The following CSMD3 variants were observed in gnomAD, a reference collection of about 807,000 sequenced individuals.
CSMD3 encodes the protein CUB and sushi domain-containing protein 3.
CSMD3 carries 177 observed loss-of-function variants against 435.2 expected under a neutral mutation model. The ratio of observed to expected loss-of-function variants is 0.41; its 90% CI spans 0.36 to 0.46. CSMD3 has a LOEUF of 0.46. Ranked by LOEUF, CSMD3 falls within the 20% of genes least tolerant of loss-of-function variation. The pLI is 0.34. For synonymous variants in CSMD3, 1,656 were observed against 1,520.5 expected (o/e 1.09, Z -2.07); for missense variants, 4,265 against 4,504.6 (o/e 0.95, Z 1.52).
intron 66 of CSMD3, among the ~76,000 whole-genome samples, chr8:112,240,719 C>T (rs1222708041): frequency 1.3e-5 from 2 of 152,048 alleles, no homozygotes; most frequent in African/African-American, 4.8e-5. Flanking sequence ...TCTGTGTCCC[C>T]ACCCAAATCT....
At chr8:113,415,295 A>G (rs1200236057) in intron 1 of CSMD3, among the ~76,000 whole-genome samples, 1 of 152,210 alleles carries the variant, frequency 6.6e-6, no homozygotes, top group East Asian at 1.9e-4. Flanking sequence ...AACAAAGACA[A>G]AAGTCTGGTC....
At chr8:112,410,628 G>GTATATATATGTGTA (rs1832288947) in intron 32 of CSMD3, among the ~76,000 whole-genome samples, 6 of 69,954 alleles carry the variant, frequency 8.6e-5, no homozygotes, top group African/African-American at 2.3e-4. Context: ...ATATATATGT[G>GTATATATATGTGTA]TATATATATG....
At chr8:112,254,888 G>C (rs899182829) in intron 62 of CSMD3, among the ~76,000 whole-genome samples, 7 of 151,908 alleles carry the variant, frequency 4.6e-5, no homozygotes, top group African/African-American at 1.7e-4. Context: ...CAATCATTTT[G>C]AAATCAATAT....
chr8:112,768,249 C>T (rs1432802663), intron 13 of CSMD3, among the ~76,000 whole-genome samples: 1 of 151,698 alleles, frequency 6.6e-6, no homozygotes, highest in East Asian at 1.9e-4. Flanking sequence ...ATAAATATGT[C>T]AGTCAGGATC....
chr8:113,096,278 A>T (rs1258621929), intron 5 of CSMD3, among the ~76,000 whole-genome samples: 1 of 152,134 alleles, frequency 6.6e-6, no homozygotes, highest in African/African-American at 2.4e-5. Context: ...TCCCAATATT[A>T]GTTAACTTAA....
chr8:112,673,000 G>T (rs933219908), intron 16 of CSMD3, among the ~76,000 whole-genome samples: 3 of 152,034 alleles, frequency 2.0e-5, no homozygotes, highest in Non-Finnish European at 4.4e-5. Context: ...GAAGGAAGTT[G>T]GGGACCATGG....
intron 13 of CSMD3, among the ~76,000 whole-genome samples, chr8:112,799,949 T>C (rs1240199522): frequency 6.6e-6 from 1 of 151,866 alleles, no homozygotes; most frequent in Non-Finnish European, 1.5e-5. Context: ...AGATGAGGTA[T>C]GCAAAATAGA....
chr8:113,311,158 G>C (rs1283319663), intron 2 of CSMD3: 2 of 151,960 alleles, frequency 1.3e-5, no homozygotes, highest in Non-Finnish European at 2.9e-5. Context: ...AAATAAACAA[G>C]GCTTAGAATA....
chr8:113,264,770 T>C (rs1293760423), intron 3 of CSMD3, among the ~76,000 whole-genome samples: 1 of 151,674 alleles, frequency 6.6e-6, no homozygotes, highest in Non-Finnish European at 1.5e-5. Flanking sequence ...AATGTAAATA[T>C]GTATGAATAT....
intron 13 of CSMD3, among the ~76,000 whole-genome samples, chr8:112,694,894 G>A (rs758055900): frequency 2.0e-4 from 31 of 152,060 alleles, no homozygotes; most frequent in Admixed American, 3.9e-4. Context: ...AGCAGAAGAC[G>A]GGTGATTTCT....
intron 58 of CSMD3, among the ~76,000 whole-genome samples, chr8:112,282,530 T>C (rs551900275): frequency 1.7e-4 from 26 of 152,114 alleles, no homozygotes; most frequent in Non-Finnish European, 3.4e-4. Context: ...ATGTAATTTT[T>C]ATTTTGAAAT....
At chr8:113,285,035 C>G (rs1314447424) in intron 2 of CSMD3, among the ~76,000 whole-genome samples, 1 of 152,066 alleles carries the variant, frequency 6.6e-6, no homozygotes, top group African/African-American at 2.4e-5. Context: ...AGGACTTTCC[C>G]ATAAGAGAAA....
chr8:113,230,193 C>T lies in CSMD3; in HGVS notation c.514+48399G>A, dbSNP rs1001214263. Reference sequence around the variant, plus strand: ...AAGACCTCCATTAAATAGTTTATCTCAATTGCCAGATGTTTTAAAATTGCC... The same window carrying T: ...AAGACCTCCATTAAATAGTTTATCTTAATTGCCAGATGTTTTAAAATTGCC... On this transcript the variant is annotated intron_variant, in intron 3 of 70. Transcript: ENST00000297405. Among the ~76,000 whole-genome samples, 5 of 151,584 alleles carry T rather than the reference C, an allele frequency of 3.3e-5. No individual in the cohort carries two copies. In the Admixed American group the frequency reaches 3.3e-4, roughly 10 times the overall value.
intron 6 of CSMD3, among the ~76,000 whole-genome samples, chr8:112,978,607 C>G (rs774705461): frequency 6.6e-6 from 1 of 151,956 alleles, no homozygotes; most frequent in Non-Finnish European, 1.5e-5. Flanking sequence ...GTACTATTCC[C>G]TTAACCTAAA....
chr8:112,408,175 T>G lies in CSMD3; in HGVS notation c.5605+143A>C, dbSNP rs60746545. On this transcript the variant is annotated intron_variant, in intron 34 of 70. Transcript: ENST00000297405. Reference sequence around the variant, plus strand: ...TTGTTTACTTTGGTCAAGGTGACAGTGATCTAGTGATGGTGGAGGGGACAA... The same window carrying G: ...TTGTTTACTTTGGTCAAGGTGACAGGGATCTAGTGATGGTGGAGGGGACAA... 4,538 of 671,302 alleles carry G rather than the reference T, an allele frequency of 6.8e-3. 153 individuals are homozygous for G. In the African/African-American group the frequency reaches 0.071, roughly 10 times the overall value. 41.6% of individuals were successfully genotyped at this position (671,302 alleles called of 1,614,324 possible).
At chr8:112,700,638 T>A (rs887456158) in intron 13 of CSMD3, among the ~76,000 whole-genome samples, 4 of 152,144 alleles carry the variant, frequency 2.6e-5, no homozygotes, top group Admixed American at 6.5e-5. Context: ...TTCTGTTGGC[T>A]CCTCTTCTAA....
intron 5 of CSMD3, among the ~76,000 whole-genome samples, chr8:113,039,360 G>A (rs2087503007): frequency 6.6e-6 from 1 of 152,050 alleles, no homozygotes; most frequent in Non-Finnish European, 1.5e-5. Flanking sequence ...ATGTTGAACA[G>A]GAAGACCCTT....
At chr8:113,364,071 AT>A (rs1489294584) in intron 1 of CSMD3, among the ~76,000 whole-genome samples, 1 of 152,072 alleles carries the variant, frequency 6.6e-6, no homozygotes, top group Non-Finnish European at 1.5e-5. Context: ...GTCTAAATTT[AT>A]TTTTAATATG....
intron 10 of CSMD3, among the ~76,000 whole-genome samples, chr8:112,907,901 A>T (rs2082305664): frequency 6.6e-6 from 1 of 151,442 alleles, no homozygotes; most frequent in Admixed American, 6.6e-5. Flanking sequence ...ACTGGAGATG[A>T]GAATAGTTAC....
Sources: allele counts gnomAD v4.1 joint callset (sites outside exome capture counted in the v4.1 genomes callset), GRCh38; gene constraint gnomAD v4.1.1; transcripts MANE v1.5; gene names NCBI Gene and HGNC (gene_info 2026-07-23, HGNC 2026-07-21).